Variants in ACTN1 observed in about 807,000 individuals in gnomAD.
ACTN1 encodes the protein actinin alpha 1, also known as alpha-actinin-1.
A neutral mutation model predicts 119.6 loss-of-function variants in ACTN1; 30 were observed. The observed-to-expected ratio is 0.25, with a 90% CI of 0.19 to 0.34. ACTN1 has a LOEUF of 0.34. Among genes scored for constraint, ACTN1 ranks in the 10% least tolerant of loss-of-function variants. The probability of loss-of-function intolerance (pLI) is 1.00; values close to 1 mark genes in which losing one functional copy is unlikely to be tolerated. For synonymous variants in ACTN1, 429 were observed against 472.6 expected (o/e 0.91, Z 1.20); for missense variants, 764 against 1,223.4 (o/e 0.62, Z 5.60).
intron 1 of ACTN1, among the ~76,000 whole-genome samples, chr14:68,944,963 C>T (rs1055096348): frequency 4.0e-5 from 6 of 151,752 alleles, no homozygotes; most frequent in Admixed American, 2.0e-4. Context: ...TCACCCTACG[C>T]GTGTGTGGGG....
In ACTN1 at chr14:68,888,198, T is replaced by C. The variant is rs116844073; in HGVS notation, c.1234+1941A>G. ...CTCCTCACGCCCAGGATAGATTCTT[T>C]AGACAGTCTCAAGAAATGGAATTCC... is the stretch of plus-strand genomic sequence containing the variant. On this transcript the variant is annotated intron_variant, in intron 11 of 21. Coordinates refer to ENST00000394419, the MANE Select transcript of ACTN1 (RefSeq NM_001130004.2). 1.2e-3 allele frequency: 530 copies of C among 442,760 alleles called. 20 individuals are homozygous for C. The East Asian group carries it at 0.025, about 21-fold the overall frequency. The allele number at this position is 442,760 out of a possible 1,614,324, so 27.4% of individuals were successfully genotyped here.
chr14:68,908,649 C>G (rs1594797207), intron 6 of ACTN1, among the ~76,000 whole-genome samples: 2 of 152,192 alleles, frequency 1.3e-5, no homozygotes, highest in Admixed American at 1.3e-4. Flanking sequence ...AGGAGGGAAC[C>G]TGGAGAGTGT....
Position 68,889,906 on chromosome 14 carries a change from A to G in ACTN1, c.1234+233T>C, listed in dbSNP as rs533496298. 3.3e-5 allele frequency among the ~76,000 whole-genome samples: 5 copies of G among 152,390 alleles called. No homozygotes were observed. The South Asian group carries it at 1.0e-3, about 32-fold the overall frequency. On this transcript the variant is annotated intron_variant, in intron 11 of 21. Coordinates refer to ENST00000394419, the MANE Select transcript of ACTN1 (RefSeq NM_001130004.2). ...AACTCTCCTCAGAACTTCGTTATGT[A>G]TTAACTGATTCAATTCTTACAAGCC...
intron 3 of ACTN1, among the ~76,000 whole-genome samples, chr14:68,912,651 A>G (rs1294203672): frequency 1.3e-5 from 2 of 152,162 alleles, no homozygotes; most frequent in East Asian, 3.8e-4. Context: ...TGCTGGAATT[A>G]CAGGCATGAG....
intron 1 of ACTN1, among the ~76,000 whole-genome samples, chr14:68,951,325 T>A (rs1342216721): frequency 1.3e-5 from 2 of 152,036 alleles, no homozygotes; most frequent in Non-Finnish European, 2.9e-5. Context: ...CAGACTGTTA[T>A]GGAGAAACCA....
intron 6 of ACTN1, among the ~76,000 whole-genome samples, chr14:68,905,232 G>A (rs2033596623): frequency 6.6e-6 from 1 of 152,166 alleles, no homozygotes; most frequent in African/African-American, 2.4e-5. Context: ...TGAAATTTGG[G>A]GGCTCCTTTA....
chr14:68,897,892 A>G (rs929949717), intron 8 of ACTN1, among the ~76,000 whole-genome samples: 29 of 152,332 alleles, frequency 1.9e-4, no homozygotes, highest in African/African-American at 6.5e-4. Flanking sequence ...TTCCTCTCCT[A>G]CTGCAGGCTC....
chr14:68,899,211 C>G (rs1267541678), intron 8 of ACTN1, among the ~76,000 whole-genome samples: 2 of 134,252 alleles, frequency 1.5e-5, no homozygotes, highest in Non-Finnish European at 3.2e-5. Flanking sequence ...TATACCCCTC[C>G]ACACCACACA....
At chr14:68,957,939 C>G (rs1245126878) in intron 1 of ACTN1, among the ~76,000 whole-genome samples, 1 of 152,174 alleles carries the variant, frequency 6.6e-6, no homozygotes, top group East Asian at 1.9e-4. Context: ...AACACCCTGG[C>G]TCTCCAGACA....
chr14:68,888,620 T>G (rs1316873231), intron 11 of ACTN1, among the ~76,000 whole-genome samples: 2 of 152,064 alleles, frequency 1.3e-5, no homozygotes, highest in African/African-American at 4.8e-5. Flanking sequence ...GGCCATAGAC[T>G]GGTACTGGTC....
Position 68,885,308 on chromosome 14 carries a change from C to A in ACTN1, c.1385+117G>T, listed in dbSNP as rs922977146. On this transcript the variant is annotated intron_variant, in intron 12 of 21. Coordinates refer to ENST00000394419, the MANE Select transcript of ACTN1 (RefSeq NM_001130004.2). This position sits in a 1 kb window ranked among gnomAD's most constrained non-coding sequence, Gnocchi z 5.6. ...TGCGTTGACTCCCTCCCCACCTGGGCACCCACCTGTACCCACCCTCCCCAT... is the reference window on the plus strand; with the variant it reads ...TGCGTTGACTCCCTCCCCACCTGGGAACCCACCTGTACCCACCCTCCCCAT... 1.1e-5 allele frequency: 14 copies of A among 1,321,468 alleles called. No homozygotes were observed. In the East Asian group the frequency reaches 3.2e-4, roughly 31 times the overall value. 81.9% of individuals were successfully genotyped at this position (1,321,468 alleles called of 1,614,324 possible). A position where few individuals can be genotyped will look rare whatever the true frequency, so the allele number is the denominator to read the frequency against.
Position 68,874,852 on chromosome 14 carries a change from G to C in ACTN1, c.*7C>G. ...CGCACAAGACGAGGGCGGCCGGGCG[G>C]GGTGGATTAGAGGTCACTCTCGCCG... On this transcript the variant is annotated 3_prime_UTR_variant, in exon 22 of 22. Coordinates refer to ENST00000394419, the MANE Select transcript of ACTN1 (RefSeq NM_001130004.2). The C allele has an allele frequency of 6.4e-7, 1 of 1,568,238 alleles. No individual in the cohort carries two copies. Among genetic ancestry groups the C allele is most frequent in the Non-Finnish European group, 8.7e-7 (1 of 1,149,672 alleles).
At chr14:68,955,310 T>C (rs2036318153) in intron 1 of ACTN1, among the ~76,000 whole-genome samples, 1 of 152,170 alleles carries the variant, frequency 6.6e-6, no homozygotes, top group Admixed American at 6.5e-5. Flanking sequence ...TGTCTGAGTC[T>C]ATCCCAGCAA....
chr14:68,927,996 C>T (rs2035016512), intron 1 of ACTN1, among the ~76,000 whole-genome samples: 1 of 152,106 alleles, frequency 6.6e-6, no homozygotes, highest in Non-Finnish European at 1.5e-5. Context: ...GAACCTTCAG[C>T]CTAAGGTTTT....
chr14:68,893,825 G>T, intron 8 of ACTN1, 78 bp from the exon 9 acceptor site: 6 of 1,395,632 alleles, frequency 4.3e-6, no homozygotes, highest in Non-Finnish European at 4.0e-6. Flanking sequence ...TGCTGACAAA[G>T]CCCCTCCCAT....
intron 1 of ACTN1, chr14:68,974,338 T>C (rs537853837): frequency 1.3e-5 from 2 of 152,760 alleles, no homozygotes; most frequent in South Asian, 2.1e-4. Context: ...TCCCAGCACT[T>C]TGGGAGGCTG....
At chr14:68,970,826 C>T (rs2036859936) in intron 1 of ACTN1, among the ~76,000 whole-genome samples, 1 of 152,190 alleles carries the variant, frequency 6.6e-6, no homozygotes, top group South Asian at 2.1e-4. Flanking sequence ...TCCCCTTAAA[C>T]CTCACAGACC....
chr14:68,885,856 C>T lies in ACTN1; in HGVS notation c.1235-281G>A, dbSNP rs552107931. 2.8e-5 allele frequency: 10 copies of T among 359,296 alleles called. No homozygotes were observed. The highest frequency in any genetic ancestry group is 1.1e-4 in the South Asian group (2 of 18,874). 22.3% of individuals were successfully genotyped at this position (359,296 alleles called of 1,614,324 possible). Reference sequence around the variant, plus strand: ...GTCTGTGGGAATGCATAGGGCATGACGCTATACACACAGCGGGAAACACAG... The same window carrying T: ...GTCTGTGGGAATGCATAGGGCATGATGCTATACACACAGCGGGAAACACAG... On this transcript the variant is annotated intron_variant, in intron 11 of 21. Transcript: ENST00000394419. This position sits in a 1 kb window ranked among gnomAD's most constrained non-coding sequence, Gnocchi z 5.6.
chr14:68,884,132 G>A (rs765629076), intron 14 of ACTN1, 36 bp downstream of exon 14: 2 of 1,592,718 alleles, frequency 1.3e-6, no homozygotes, highest in East Asian at 2.3e-5. Flanking sequence ...GGGGCCCCAG[G>A]GGAGCCAGCC....
Sources: gnomAD v4.1 joint callset for allele counts (sites outside exome capture counted in the v4.1 genomes callset) on GRCh38, gnomAD v4.1.1 for gene constraint, Gnocchi (gnomAD v3.1) non-coding constraint, MANE v1.5 for transcripts, NCBI Gene and HGNC (gene_info 2026-07-23, HGNC 2026-07-21) for gene names.